The following MED10 variants were observed in gnomAD, a reference collection of about 807,000 sequenced individuals.
MED10 encodes the protein mediator of RNA polymerase II transcription subunit 10.
In MED10, 9 loss-of-function variants were observed where a neutral mutation model predicts 17.2. The ratio of observed to expected loss-of-function variants is 0.52; its 90% CI spans 0.31 to 0.91. The LOEUF (loss-of-function observed/expected upper bound fraction) is 0.91, where lower values mean the gene tolerates loss of function less well. Among genes scored for constraint, MED10 ranks in the 40% least tolerant of loss-of-function variants. The pLI is 0.04. For missense variants in MED10, 129 were observed against 164.8 expected, an observed-to-expected ratio of 0.78 and a Z score of 1.19; for synonymous variants, 66 against 59.8, an observed-to-expected ratio of 1.10 and a Z score of -0.48.
intron 3 of MED10, among the ~76,000 whole-genome samples, chr5:6,373,669 G>A (rs910904461): frequency 1.3e-5 from 2 of 152,196 alleles, no homozygotes; most frequent in African/African-American, 4.8e-5. Context: ...ATTGTGAGCT[G>A]GGAGGAGAGG....
rs1363407458 is a variant in MED10 at position 6,378,430 on chromosome 5, G to A, written c.54C>T (p.Asn18=). The A allele has an allele frequency of 1.2e-6, 2 of 1,613,770 alleles. No individual in the cohort carries two copies. The highest frequency in any genetic ancestry group is 1.7e-5 in the Admixed American group (1 of 60,028). The change falls in exon 1 of 4, where the codon AAC becomes AAT. Residue 18 remains asparagine, a synonymous_variant. Transcript: ENST00000255764. ...TGACGATGATGCCGAGCTGCCGAAT[G>A]TTCTCCACGAACTTCTCCAGGTGCT... ...LEEHLEKFVE[N]IRQLGIIVSD...
chr5:6,375,024 G>A (rs1002225424), intron 2 of MED10, among the ~76,000 whole-genome samples: 2 of 152,108 alleles, frequency 1.3e-5, no homozygotes, highest in Admixed American at 6.5e-5. Context: ...AAGAAGAGGC[G>A]GCTTGATATA....
chr5:6,372,555 T>C lies in MED10; in HGVS notation c.356A>G (p.Glu119Gly). ...LIQELSKVFPEDMAKYRSIRG... is the reference protein window; with the variant it reads ...LIQELSKVFPGDMAKYRSIRG... ...GATGCTTCGATACTTAGCCATGTCT[T>C]CCGGAAATACTTTAGAAAGTTCTTG... is the stretch of plus-strand genomic sequence containing the variant. The change falls in exon 4 of 4, where the codon GAA becomes GGA. Residue 119 changes from glutamate (E) to glycine (G), a missense_variant. Transcript: ENST00000255764. 4 of 1,614,218 alleles carry C rather than the reference T, an allele frequency of 2.5e-6. No individual in the cohort carries two copies. The South Asian group carries it at 4.4e-5, about 18-fold the overall frequency.
rs1737898682 is a variant in MED10 at position 6,372,080 on chromosome 5, A to G, written c.*423T>C. On this transcript the variant is annotated 3_prime_UTR_variant, in exon 4 of 4. Coordinates refer to ENST00000255764, the MANE Select transcript of MED10 (RefSeq NM_032286.3). ...AAACTGATTTTTCTTTTTTTAAAAA[A>G]ATTTTTCCTAGTCGTTATTTAGCTT... The G allele has an allele frequency of 6.4e-6, 1 of 155,400 alleles. No homozygotes were observed. Among genetic ancestry groups the G allele is most frequent in the Admixed American group, 6.5e-5 (1 of 15,498 alleles). The allele number at this position is 155,400 out of a possible 1,614,324, so 9.6% of individuals were successfully genotyped here.
chr5:6,372,786 G>A (rs182382454), intron 3 of MED10, among the ~76,000 whole-genome samples, 185 bp from the exon 4 acceptor site: 9 of 152,224 alleles, frequency 5.9e-5, no homozygotes, highest in East Asian at 1.9e-4. Context: ...AAAAGGAAGC[G>A]ACACTGCACA....
intron 2 of MED10, among the ~76,000 whole-genome samples, chr5:6,376,099 C>T (rs1019810850): frequency 6.6e-6 from 1 of 152,160 alleles, no homozygotes; most frequent in African/African-American, 2.4e-5. Context: ...CTTCGTCCCA[C>T]CTGAAGTCAG....
Position 6,378,547 on chromosome 5 carries a change from T to G in MED10, c.-64A>C. ...CAGCGCCGCAGGCGTGGCCCTACGC[T>G]CCCGCTTCCTGCTTCCGTCCGGACA... is the stretch of plus-strand genomic sequence containing the variant. On this transcript the variant is annotated 5_prime_UTR_variant, in exon 1 of 4. Coordinates refer to ENST00000255764, the MANE Select transcript of MED10 (RefSeq NM_032286.3). 6.5e-7 allele frequency: 1 copy of G among 1,536,846 alleles called. No homozygotes were observed. The highest frequency in any genetic ancestry group is 8.8e-7 in the Non-Finnish European group (1 of 1,136,466).
chr5:6,372,559 G>A lies in MED10; in HGVS notation c.352C>T (p.Pro118Ser). The A allele has an allele frequency of 1.9e-6, 3 of 1,614,180 alleles. No homozygotes were observed. The highest frequency in any genetic ancestry group is 2.5e-6 in the Non-Finnish European group (3 of 1,180,038). The change falls in exon 4 of 4, where the codon CCG (proline) becomes TCG (serine). Residue 118 changes from proline (P) to serine (S), a missense_variant. Coordinates refer to ENST00000255764, the MANE Select transcript of MED10 (RefSeq NM_032286.3). Reference protein sequence around the residue: ...LLIQELSKVFPEDMAKYRSIR... With the variant: ...LLIQELSKVFSEDMAKYRSIR... ...CTTCGATACTTAGCCATGTCTTCCGGAAATACTTTAGAAAGTTCTTGAATC... is the reference window on the plus strand; with the variant it reads ...CTTCGATACTTAGCCATGTCTTCCGAAAATACTTTAGAAAGTTCTTGAATC...
At chr5:6,377,917 C>T (rs1349753316) in intron 1 of MED10, among the ~76,000 whole-genome samples, 1 of 152,242 alleles carries the variant, frequency 6.6e-6, no homozygotes, top group Non-Finnish European at 1.5e-5. Flanking sequence ...GCCTATGCGG[C>T]AGGTGGCTTC....
In MED10 at chr5:6,372,124, T is replaced by C. The variant is rs567954437; in HGVS notation, c.*379A>G. On this transcript the variant is annotated 3_prime_UTR_variant, in exon 4 of 4. Coordinates refer to ENST00000255764, the MANE Select transcript of MED10 (RefSeq NM_032286.3). ...TTAGCTTTCGGACACCATAATACAATAGAACAGAAAGAGTATGTTAAAAGA... is the reference window on the plus strand; with the variant it reads ...TTAGCTTTCGGACACCATAATACAACAGAACAGAAAGAGTATGTTAAAAGA... 17 of 177,678 alleles carry C rather than the reference T, an allele frequency of 9.6e-5. No individual in the cohort carries two copies. The South Asian group carries it at 2.0e-3, about 21-fold the overall frequency. The allele number at this position is 177,678 out of a possible 1,614,324, so 11.0% of individuals were successfully genotyped here.
intron 1 of MED10, 134 bp downstream of exon 1, chr5:6,378,228 G>C: frequency 7.7e-7 from 1 of 1,291,658 alleles, no homozygotes; most frequent in African/African-American, 1.5e-5. Flanking sequence ...CCGGGCTCCG[G>C]GACCAGACCA....
chr5:6,372,964 G>A lies in MED10; in HGVS notation c.310-363C>T, dbSNP rs143378762. 5.7e-3 allele frequency among the ~76,000 whole-genome samples: 869 copies of A among 152,292 alleles called. 4 individuals are homozygous for A. The highest frequency in any genetic ancestry group is 7.1e-3 in the Non-Finnish European group (486 of 68,018). On this transcript the variant is annotated intron_variant, in intron 3 of 3. Coordinates refer to ENST00000255764, the MANE Select transcript of MED10 (RefSeq NM_032286.3). ...TAATTCTCACTCAGCTTTATCAAGCGAAACGGAACAATCAAAACGAGCGGC... is the reference window on the plus strand; with the variant it reads ...TAATTCTCACTCAGCTTTATCAAGCAAAACGGAACAATCAAAACGAGCGGC...
intron 2 of MED10, among the ~76,000 whole-genome samples, chr5:6,375,211 G>A (rs957923401): frequency 2.6e-5 from 4 of 152,088 alleles, no homozygotes; most frequent in African/African-American, 9.7e-5. Context: ...ATTTTACCAA[G>A]AGCAGGCCAC....
At chr5:6,378,277 C>G in intron 1 of MED10, 85 bp downstream of exon 1, 6 of 1,441,988 alleles carry the variant, frequency 4.2e-6, no homozygotes, top group Non-Finnish European at 5.5e-6. Context: ...AGGCTCGGCT[C>G]GGGCTCCCTA....
chr5:6,373,032 T>C (rs1270574806), intron 3 of MED10, among the ~76,000 whole-genome samples: 4 of 152,230 alleles, frequency 2.6e-5, no homozygotes, highest in East Asian at 3.8e-4. Flanking sequence ...AAGGTGACGC[T>C]GGACTCAACA....
rs1010075279 is a variant in MED10, at chr5:6,378,296, C to G, written c.122+66G>C. On this transcript the variant is annotated intron_variant, in intron 1 of 3. Coordinates refer to ENST00000255764, the MANE Select transcript of MED10 (RefSeq NM_032286.3). ...TCGGCTCGGGCTCCCTAGATCCCCG[C>G]TCCCCTAGCACACGCTTCCCGGCCA... 1.1e-5 allele frequency: 16 copies of G among 1,480,292 alleles called. No individual in the cohort carries two copies. In the African/African-American group the frequency reaches 2.2e-4, roughly 21 times the overall value. 91.7% of individuals were successfully genotyped at this position (1,480,292 alleles called of 1,614,324 possible). A position where few individuals can be genotyped will look rare whatever the true frequency, so the allele number is the denominator to read the frequency against.
intron 1 of MED10, 84 bp from the exon 2 acceptor site, chr5:6,377,333 G>C (rs772635614): frequency 2.1e-6 from 2 of 946,994 alleles, no homozygotes; most frequent in Admixed American, 2.1e-5. Flanking sequence ...CAGCCAACCG[G>C]GGCTCCACGC....
chr5:6,377,319 T>C, intron 1 of MED10, 70 bp from the exon 2 acceptor site: 1 of 1,161,894 alleles, frequency 8.6e-7, no homozygotes, highest in South Asian at 1.4e-5. Flanking sequence ...CCCACAGAGC[T>C]ACCCAGCCAA....
At chr5:6,376,558 C>T (rs1401936247) in intron 2 of MED10, among the ~76,000 whole-genome samples, 1 of 152,228 alleles carries the variant, frequency 6.6e-6, no homozygotes, top group Non-Finnish European at 1.5e-5. Context: ...TCTAAAAGCT[C>T]ATTCCTGTAT....
Sources: gnomAD v4.1 joint callset for allele counts (sites outside exome capture counted in the v4.1 genomes callset) on GRCh38, gnomAD v4.1.1 for gene constraint, MANE v1.5 for transcripts, NCBI Gene and HGNC (gene_info 2026-07-23, HGNC 2026-07-21) for gene names.